Variants in BRINP1 observed in about 807,000 individuals in gnomAD.
BRINP1 encodes the protein BMP/retinoic acid inducible neural specific 1.
Under a neutral mutation model 72.9 loss-of-function variants are expected in BRINP1, and 17 were observed. The ratio of observed to expected loss-of-function variants is 0.23; its 90% CI spans 0.16 to 0.35. The LOEUF (loss-of-function observed/expected upper bound fraction) is 0.35, where lower values mean the gene tolerates loss of function less well. Ranked by LOEUF, BRINP1 falls within the 10% of genes least tolerant of loss-of-function variation. The pLI is 1.00. For missense variants in BRINP1, 850 were observed against 1,001.6 expected (o/e 0.85, Z 2.04); for synonymous variants, 418 against 378.5 (o/e 1.10, Z -1.21).
chr9:119,167,694 A>G lies in BRINP1; in HGVS notation c.1676T>C (p.Met559Thr). The G allele has an allele frequency of 3.1e-6, 5 of 1,614,056 alleles. No homozygotes were observed. The highest frequency in any genetic ancestry group is 4.2e-6 in the Non-Finnish European group (5 of 1,179,996). ...AAAGGGGTTGACATAGACAAAGAAC[A>G]TGGGGTCCAGGCTGCTGTTGCGCAT... ...CQMRNSSLDP[M>T]FFVYVNPFSG... The change falls in exon 8 of 8, where the codon ATG becomes ACG. Residue 559 changes from methionine (M) to threonine (T), a missense_variant. Met to Thr is a moderately conservative substitution (Grantham distance 81). Coordinates refer to ENST00000265922, the MANE Select transcript of BRINP1 (RefSeq NM_014618.3). This position sits in a 1 kb window ranked among gnomAD's most constrained non-coding sequence, Gnocchi z 4.3.
At chr9:119,353,450 A>T (rs1831525039) in intron 1 of BRINP1, among the ~76,000 whole-genome samples, 1 of 152,206 alleles carries the variant, frequency 6.6e-6, no homozygotes, top group Non-Finnish European at 1.5e-5. Context: ...TGAGGCTGAG[A>T]AATGACACTT....
chr9:119,210,691 A>T (rs1829914328), intron 6 of BRINP1, among the ~76,000 whole-genome samples: 1 of 152,112 alleles, frequency 6.6e-6, no homozygotes, highest in Non-Finnish European at 1.5e-5. Flanking sequence ...GAAGTCTCTG[A>T]CTCCTAGAAA....
chr9:119,283,175 G>T (rs1830729963), intron 2 of BRINP1: 1 of 984,940 alleles, frequency 1.0e-6, no homozygotes, highest in South Asian at 4.7e-5. Flanking sequence ...GGGCCTCCTT[G>T]AGTGTTTCTT....
At chr9:119,261,221 G>A (rs1040857107) in intron 2 of BRINP1, among the ~76,000 whole-genome samples, 7 of 152,236 alleles carry the variant, frequency 4.6e-5, no homozygotes, top group South Asian at 4.2e-4. Flanking sequence ...GTTGGAAAGC[G>A]TTATTGTTGT....
chr9:119,357,680 T>A (rs574684225), intron 1 of BRINP1, among the ~76,000 whole-genome samples: 42 of 152,324 alleles, frequency 2.8e-4, no homozygotes, highest in African/African-American at 1.0e-3. Flanking sequence ...TAAGGAGATT[T>A]AAGAAAGCTC....
intron 2 of BRINP1, among the ~76,000 whole-genome samples, chr9:119,263,601 C>CTTTTTTTTTTTTT (rs386416080): frequency 1.0e-4 from 8 of 78,560 alleles, no homozygotes; most frequent in East Asian, 4.5e-4. Flanking sequence ...GTAAACAATT[C>CTTTTTTTTTTTTT]TTTTTTTTTT....
chr9:119,339,915 C>A (rs1429481763), intron 1 of BRINP1, among the ~76,000 whole-genome samples: 1 of 152,118 alleles, frequency 6.6e-6, no homozygotes, highest in Non-Finnish European at 1.5e-5. Flanking sequence ...CAGTCTTGTT[C>A]CACTATTAGG....
intron 7 of BRINP1, among the ~76,000 whole-genome samples, chr9:119,190,078 G>A (rs1829666632): frequency 6.6e-6 from 1 of 151,656 alleles, no homozygotes; most frequent in Non-Finnish European, 1.5e-5. Context: ...CAACCAATAG[G>A]TCAAAGAAGA....
rs186261262 is a variant in BRINP1 at position 119,368,058 on chromosome 9, C to T, written c.-51+998G>A. Among the ~76,000 whole-genome samples, 1 of 152,328 alleles carries T rather than the reference C, an allele frequency of 6.6e-6. No individual in the cohort carries two copies. The highest frequency in any genetic ancestry group is 1.5e-5 in the Non-Finnish European group (1 of 68,022). Reference sequence around the variant, plus strand: ...GCCCCAGATGAAATTTCCTCTGAGACCCTTTGCAACTGTGATGGATGAGCA... The same window carrying T: ...GCCCCAGATGAAATTTCCTCTGAGATCCTTTGCAACTGTGATGGATGAGCA... On this transcript the variant is annotated intron_variant, in intron 1 of 7. Coordinates refer to ENST00000265922, the MANE Select transcript of BRINP1 (RefSeq NM_014618.3). This position sits in a 1 kb window ranked among gnomAD's most constrained non-coding sequence, Gnocchi z 4.7.
chr9:119,200,346 G>T (rs958763738), intron 7 of BRINP1, among the ~76,000 whole-genome samples: 9 of 152,150 alleles, frequency 5.9e-5, no homozygotes, highest in African/African-American at 1.9e-4. Flanking sequence ...CAGTAGTCAG[G>T]TGCAGTAGCT....
At chr9:119,330,014 T>C (rs1355664449) in intron 1 of BRINP1, among the ~76,000 whole-genome samples, 1 of 152,164 alleles carries the variant, frequency 6.6e-6, no homozygotes, top group African/African-American at 2.4e-5. Flanking sequence ...TCTTATACTT[T>C]CTCATAATTC....
intron 7 of BRINP1, among the ~76,000 whole-genome samples, chr9:119,169,593 A>G (rs1440137194): frequency 6.6e-6 from 1 of 152,240 alleles, no homozygotes; most frequent in African/African-American, 2.4e-5. Flanking sequence ...TAGGTAAACA[A>G]AGCAGCCGGG....
chr9:119,230,549 G>A (rs550590866), intron 5 of BRINP1, among the ~76,000 whole-genome samples: 5 of 151,932 alleles, frequency 3.3e-5, no homozygotes. Context: ...GCTTGGCATT[G>A]AGAGATGGGC....
intron 5 of BRINP1, among the ~76,000 whole-genome samples, chr9:119,221,063 G>A (rs886118773): frequency 6.6e-6 from 1 of 152,042 alleles, no homozygotes; most frequent in African/African-American, 2.4e-5. Flanking sequence ...TTAAATACAC[G>A]ATTTCTTACA....
intron 1 of BRINP1, among the ~76,000 whole-genome samples, chr9:119,356,045 T>C (rs1332061139): frequency 1.3e-5 from 2 of 152,314 alleles, no homozygotes; most frequent in East Asian, 3.9e-4. Flanking sequence ...GATAGAGATC[T>C]AACCCCTGCT....
chr9:119,176,558 C>T (rs1829492336), intron 7 of BRINP1, among the ~76,000 whole-genome samples: 1 of 152,156 alleles, frequency 6.6e-6, no homozygotes, highest in Admixed American at 6.5e-5. Flanking sequence ...GTCACTTCAT[C>T]TCTTTTTAAG....
chr9:119,188,164 A>G (rs1003752786), intron 7 of BRINP1, among the ~76,000 whole-genome samples: 1 of 150,598 alleles, frequency 6.6e-6, no homozygotes, highest in African/African-American at 2.4e-5. Flanking sequence ...TATAATTGTT[A>G]AACATTTCCC....
intron 1 of BRINP1, among the ~76,000 whole-genome samples, chr9:119,315,836 C>T (rs969859613): frequency 2.9e-4 from 44 of 152,126 alleles, no homozygotes; most frequent in African/African-American, 1.0e-3. Context: ...CACAACATTC[C>T]CTTAAGCCAA....
At position 119,183,228 on chromosome 9, in the gene BRINP1, T is replaced by A. The variant is rs528820762; in HGVS notation, c.1146-15004A>T. 2.0e-5 allele frequency among the ~76,000 whole-genome samples: 3 copies of A among 152,344 alleles called. No individual in the cohort carries two copies. In the East Asian group the frequency reaches 5.8e-4, roughly 29 times the overall value. ...GACATGTATAAGATTGCAGTACTAT[T>A]TGGAATAATGCCAAACTAGTCAAAT... On this transcript the variant is annotated intron_variant, in intron 7 of 7. Coordinates refer to ENST00000265922, the MANE Select transcript of BRINP1 (RefSeq NM_014618.3).
Sources: allele counts gnomAD v4.1 joint callset (sites outside exome capture counted in the v4.1 genomes callset), GRCh38; gene constraint gnomAD v4.1.1; non-coding constraint Gnocchi (gnomAD v3.1); transcripts MANE v1.5; gene names NCBI Gene and HGNC (gene_info 2026-07-23, HGNC 2026-07-21).